RABGAP1: variants seen among roughly 807,000 people sequenced by gnomAD.
RABGAP1 encodes RAB GTPase activating protein 1, also known as rab GTPase-activating protein 1.
RABGAP1 carries 23 observed loss-of-function variants against 137.6 expected under a neutral mutation model. That is an observed-to-expected ratio of 0.17 (90% CI 0.12 to 0.24). RABGAP1 has a LOEUF of 0.24. Among genes scored for constraint, RABGAP1 ranks in the 10% least tolerant of loss-of-function variants. The pLI is 1.00. For synonymous variants in RABGAP1, 451 were observed against 450.7 expected, an observed-to-expected ratio of 1.00 and a Z score of -0.01; for missense variants, 906 against 1,275.8, an observed-to-expected ratio of 0.71 and a Z score of 4.42.
In RABGAP1 at chr9:122,989,235, C is replaced by A. The variant is rs368284116; in HGVS notation, c.591-62C>A. On this transcript the variant is annotated intron_variant, in intron 4 of 25. Coordinates refer to ENST00000373647, the MANE Select transcript of RABGAP1 (RefSeq NM_012197.4). ...GAAAGAATGAGTCTCACATCTTAAT[C>A]TAAACGTAGTGCAGATTGTTCATAA... The A allele has an allele frequency of 6.1e-5, 87 of 1,433,012 alleles. No homozygotes were observed. In the African/African-American group the frequency reaches 7.0e-4, roughly 12 times the overall value. The allele number at this position is 1,433,012 out of a possible 1,614,324, so 88.8% of individuals were successfully genotyped here.
intron 13 of RABGAP1, chr9:123,034,358 G>GCTGGCT (rs1463654160): frequency 7.0e-6 from 4 of 570,888 alleles, no homozygotes; most frequent in Non-Finnish European, 1.2e-5. Context: ...GACAACTGCT[G>GCTGGCT]CTGGCTCTCC....
intron 19 of RABGAP1, 177 bp downstream of exon 19, chr9:123,076,939 C>G (rs2034529111): frequency 3.0e-6 from 1 of 337,532 alleles, no homozygotes; most frequent in East Asian, 1.1e-4. Flanking sequence ...TATTATATAA[C>G]TCTTAACCTT....
At chr9:123,005,461 A>G (rs973073068) in intron 10 of RABGAP1, among the ~76,000 whole-genome samples, 25 of 152,236 alleles carry the variant, frequency 1.6e-4, no homozygotes, top group Admixed American at 1.5e-3. Flanking sequence ...TTGTGAAGAT[A>G]AAATTCTGTA....
chr9:123,008,493 C>T (rs1047456492), intron 10 of RABGAP1, among the ~76,000 whole-genome samples: 31 of 146,954 alleles, frequency 2.1e-4, no homozygotes, highest in Non-Finnish European at 3.3e-4. Context: ...TGCAGTGAGC[C>T]GAGATCATGC....
At chr9:122,956,649 CAAAAAAA>C (rs10661742) in intron 1 of RABGAP1, among the ~76,000 whole-genome samples, 1 of 121,554 alleles carries the variant, frequency 8.2e-6, no homozygotes, top group African/African-American at 3.3e-5. Context: ...GACTCCGTCT[CAAAAAAA>C]AAAAAAAAAA....
At chr9:122,939,924 A>G (rs1006257950), upstream of RABGAP1, 8 of 152,202 alleles carry the variant, frequency 5.3e-5, no homozygotes, top group African/African-American at 1.9e-4. Context: ...CGACTCACTC[A>G]CCAGGAAAAG....
intron 19 of RABGAP1, 148 bp downstream of exon 19, chr9:123,076,910 T>C (rs2034527995): frequency 6.9e-6 from 3 of 432,680 alleles, no homozygotes; most frequent in African/African-American, 2.1e-5. Context: ...ATAAATAATA[T>C]TAATGATGTT....
At chr9:123,062,625 CTTCTT>C (rs1199728034) in intron 13 of RABGAP1, 1 of 152,086 alleles carries the variant, frequency 6.6e-6, no homozygotes, top group Non-Finnish European at 1.5e-5. Context: ...TCAAAATGAC[CTTCTT>C]TTAAGGGCAT....
At chr9:122,937,419 T>C (rs1012204854), upstream of RABGAP1, among the ~76,000 whole-genome samples, 16 of 151,992 alleles carry the variant, frequency 1.1e-4, no homozygotes, top group African/African-American at 3.6e-4. Context: ...GCCAACATGG[T>C]GAAACCCTGT....
intron 13 of RABGAP1, among the ~76,000 whole-genome samples, chr9:123,028,723 A>G (rs1350748654): frequency 6.6e-6 from 1 of 152,200 alleles, no homozygotes; most frequent in Non-Finnish European, 1.5e-5. Context: ...CAGGTTATAT[A>G]TTCCGGTTTA....
chr9:122,945,147 C>CTTTTTTTTTGTTTTTTTT (rs1833875004), intron 1 of RABGAP1, among the ~76,000 whole-genome samples: 1 of 75,772 alleles, frequency 1.3e-5, no homozygotes. Context: ...ATAGCTGTTG[C>CTTTTTTTTTGTTTTTTTT]TTTTTTTTTT....
chr9:122,952,934 TA>T (rs1355882923), intron 1 of RABGAP1, among the ~76,000 whole-genome samples: 1 of 152,254 alleles, frequency 6.6e-6, no homozygotes, highest in African/African-American at 2.4e-5. Context: ...ACAGAATTGT[TA>T]GGATGATAAA....
intron 2 of RABGAP1, among the ~76,000 whole-genome samples, chr9:122,983,334 A>C (rs985367258): frequency 2.6e-5 from 4 of 152,196 alleles, no homozygotes; most frequent in Non-Finnish European, 5.9e-5. Context: ...ACAGAAACAG[A>C]AATTGTCATT....
At chr9:123,079,528 C>G (rs2034642692) in intron 19 of RABGAP1, among the ~76,000 whole-genome samples, 1 of 151,914 alleles carries the variant, frequency 6.6e-6, no homozygotes, top group South Asian at 2.1e-4. Flanking sequence ...TGTGAGCCAC[C>G]ACACCCGGCC....
chr9:123,086,792 C>T (rs2034880822), intron 19 of RABGAP1, among the ~76,000 whole-genome samples: 1 of 152,104 alleles, frequency 6.6e-6, no homozygotes, highest in African/African-American at 2.4e-5. Flanking sequence ...GACTCTGGAC[C>T]AGCAAAGTCT....
chr9:123,013,726 T>C (rs2031003982), intron 11 of RABGAP1, among the ~76,000 whole-genome samples: 1 of 152,196 alleles, frequency 6.6e-6, no homozygotes, highest in Admixed American at 6.5e-5. Flanking sequence ...CTGATGATAA[T>C]GTCCAAAGCA....
intron 2 of RABGAP1, among the ~76,000 whole-genome samples, chr9:122,983,218 T>C (rs2131739153): frequency 6.6e-6 from 1 of 151,022 alleles, no homozygotes; most frequent in Non-Finnish European, 1.5e-5. Context: ...AAAAAAGAAA[T>C]TCAGTTGCAC....
intron 13 of RABGAP1, among the ~76,000 whole-genome samples, chr9:123,036,068 T>C (rs988462723): frequency 2.0e-5 from 3 of 152,178 alleles, no homozygotes; most frequent in African/African-American, 4.8e-5. Flanking sequence ...AATAGTAAAA[T>C]ATAAATGAAA....
intron 1 of RABGAP1, among the ~76,000 whole-genome samples, chr9:122,948,577 C>T (rs928202247): frequency 1.3e-5 from 2 of 152,124 alleles, no homozygotes; most frequent in African/African-American, 4.8e-5. Flanking sequence ...ATTGTTTTCT[C>T]TTTTGATTTA....
Sources: allele counts gnomAD v4.1 joint callset (sites outside exome capture counted in the v4.1 genomes callset), GRCh38; gene constraint gnomAD v4.1.1; transcripts MANE v1.5; gene names NCBI Gene and HGNC (gene_info 2026-07-23, HGNC 2026-07-21).